The following CADPS variants were observed in gnomAD, a reference collection of about 807,000 sequenced individuals.
CADPS encodes calcium dependent secretion activator.
Under a neutral mutation model 167.3 loss-of-function variants are expected in CADPS, and 57 were observed. That is an observed-to-expected ratio of 0.34 (90% CI 0.28 to 0.42). The LOEUF is 0.42. Ranked by LOEUF, CADPS falls within the 20% of genes least tolerant of loss-of-function variation. The pLI, the probability that CADPS is intolerant of heterozygous loss-of-function variation, is 1.00. For synonymous variants in CADPS, 676 were observed against 635.3 expected (o/e 1.06, Z -0.96); for missense variants, 1,414 against 1,738.1 (o/e 0.81, Z 3.32).
intron 13 of CADPS, among the ~76,000 whole-genome samples, chr3:62,524,835 C>T (rs1160099227): frequency 6.6e-6 from 1 of 152,130 alleles, no homozygotes; most frequent in African/African-American, 2.4e-5. Context: ...GGAAAGCATG[C>T]ATTTTACCCC....
chr3:62,455,277 C>CT lies in CADPS; in HGVS notation c.3637-9481dup, dbSNP rs2058559619. Among the ~76,000 whole-genome samples the CT allele has an allele frequency of 6.6e-6, 1 of 152,078 alleles. No individual in the cohort carries two copies. Among genetic ancestry groups the CT allele is most frequent in the Non-Finnish European group, 1.5e-5 (1 of 68,026 alleles). On this transcript the variant is annotated intron_variant, in intron 26 of 29. Transcript: ENST00000383710. This position sits in a 1 kb window ranked among gnomAD's most constrained non-coding sequence, Gnocchi z 4.4. Reference sequence around the variant, plus strand: ...TCAAGGGCTCCCTCAGACCCAGCCTCTTAACACTGCTGATACTTAACAATG... The same window carrying CT: ...TCAAGGGCTCCCTCAGACCCAGCCTCTTTAACACTGCTGATACTTAACAATG...
intron 15 of CADPS, 65 bp from the exon 16 acceptor site, chr3:62,516,247 CT>C: frequency 1.3e-6 from 2 of 1,578,784 alleles, no homozygotes; most frequent in Non-Finnish European, 1.7e-6. Context: ...ATCCATACTT[CT>C]TAGAAGCGTG....
At chr3:62,670,140 C>T (rs1178477040) in intron 3 of CADPS, among the ~76,000 whole-genome samples, 1 of 152,126 alleles carries the variant, frequency 6.6e-6, no homozygotes, top group African/African-American at 2.4e-5. Context: ...AGCTGCTGCA[C>T]TAAAATAACC....
intron 21 of CADPS, among the ~76,000 whole-genome samples, chr3:62,485,759 T>C (rs1366141727): frequency 6.6e-6 from 1 of 152,172 alleles, no homozygotes; most frequent in Admixed American, 6.5e-5. Context: ...GTTATAGGTG[T>C]TAGGGAGGCA....
At chr3:62,855,744 G>A (rs899982061) in intron 1 of CADPS, among the ~76,000 whole-genome samples, 1 of 152,148 alleles carries the variant, frequency 6.6e-6, no homozygotes, top group African/African-American at 2.4e-5. Flanking sequence ...TTTATGCATG[G>A]GTTCGCTGAT....
intron 25 of CADPS, 77 bp downstream of exon 25, chr3:62,466,262 T>G (rs936960231): frequency 4.0e-5 from 39 of 973,460 alleles, no homozygotes; most frequent in Admixed American, 1.3e-4. Context: ...CTTTTTAATG[T>G]GTTACATTTT....
In CADPS at chr3:62,465,778, C is replaced by T. The variant is rs1039997926; in HGVS notation, c.3553-328G>A. On this transcript the variant is annotated intron_variant, in intron 25 of 29. Transcript: ENST00000383710. The surrounding 1 kb of genome is among the most constrained non-coding windows in gnomAD (Gnocchi z 4.1). ...CCAAAACTGCGCAAAGCAGTTTCTA[C>T]GTTACATATTAGCACTACATTTAAT... Among the ~76,000 whole-genome samples the T allele has an allele frequency of 6.6e-6, 1 of 152,318 alleles. No individual in the cohort carries two copies. Among genetic ancestry groups the T allele is most frequent in the South Asian group, 2.1e-4 (1 of 4,826 alleles).
chr3:62,694,744 G>T (rs937021067), intron 3 of CADPS, among the ~76,000 whole-genome samples: 3 of 151,978 alleles, frequency 2.0e-5, no homozygotes, highest in African/African-American at 7.3e-5. Context: ...GAATTAACAG[G>T]TCCTTACCCA....
intron 13 of CADPS, 144 bp from the exon 14 acceptor site, chr3:62,518,394 G>T: frequency 1.6e-6 from 1 of 628,550 alleles, no homozygotes; most frequent in Non-Finnish European, 2.7e-6. Flanking sequence ...GCTATTCAGG[G>T]CTAGCTTCCA....
intron 3 of CADPS, among the ~76,000 whole-genome samples, chr3:62,667,857 A>G (rs1191593144): frequency 6.6e-6 from 1 of 152,034 alleles, no homozygotes; most frequent in Non-Finnish European, 1.5e-5. Context: ...TATCAGCAAA[A>G]TGATTCACAC....
chr3:62,548,435 C>T (rs954551069), intron 11 of CADPS, among the ~76,000 whole-genome samples: 4 of 152,198 alleles, frequency 2.6e-5, no homozygotes, highest in African/African-American at 9.6e-5. Context: ...ATTATTTACA[C>T]TGTTCCACAA....
rs114575307 is a variant in CADPS at position 62,592,906 on chromosome 3, C to G, written c.1326-158G>C. ...CCTTCAAAGCTGCCAGAGTAACAAACGTGTTAATTAACTTGTTAGGCAAAT... is the reference window on the plus strand; with the variant it reads ...CCTTCAAAGCTGCCAGAGTAACAAAGGTGTTAATTAACTTGTTAGGCAAAT... On this transcript the variant is annotated intron_variant, in intron 6 of 29. Transcript: ENST00000383710. Among the ~76,000 whole-genome samples the G allele has an allele frequency of 2.0e-5, 3 of 152,344 alleles. No individual in the cohort carries two copies. The South Asian group carries it at 6.2e-4, about 32-fold the overall frequency.
intron 21 of CADPS, among the ~76,000 whole-genome samples, chr3:62,488,870 A>G (rs961878814): frequency 6.6e-6 from 1 of 152,230 alleles, no homozygotes; most frequent in African/African-American, 2.4e-5. Flanking sequence ...CCACAATCAT[A>G]TTCACTAACA....
intron 3 of CADPS, among the ~76,000 whole-genome samples, chr3:62,700,055 T>C (rs762647174): frequency 6.6e-6 from 1 of 152,136 alleles, no homozygotes; most frequent in Non-Finnish European, 1.5e-5. Flanking sequence ...ATGAACTCTA[T>C]GGGTCCTCTA....
At chr3:62,407,739 G>A (rs954230982) in intron 28 of CADPS, among the ~76,000 whole-genome samples, 3 of 152,044 alleles carry the variant, frequency 2.0e-5, no homozygotes, top group African/African-American at 7.2e-5. Flanking sequence ...CTTTTTGTTT[G>A]TTTTTCTTTT....
chr3:62,754,275 C>A (rs376713124), intron 2 of CADPS, among the ~76,000 whole-genome samples: 2 of 152,162 alleles, frequency 1.3e-5, no homozygotes, highest in African/African-American at 4.8e-5. Context: ...CAGGCTCAAG[C>A]GACCTCCAGC....
chr3:62,484,107 T>G (rs1294364353), intron 21 of CADPS, among the ~76,000 whole-genome samples: 3 of 152,232 alleles, frequency 2.0e-5, no homozygotes, highest in Non-Finnish European at 4.4e-5. Context: ...AATATGACAT[T>G]TCAGCTAGAC....
chr3:62,460,857 C>T (rs2059252900), intron 26 of CADPS, among the ~76,000 whole-genome samples: 1 of 152,138 alleles, frequency 6.6e-6, no homozygotes, highest in Non-Finnish European at 1.5e-5. Flanking sequence ...CCTTGACAGC[C>T]CTAAGATAGG....
chr3:62,831,075 CACTTT>C (rs2074988342), intron 1 of CADPS, among the ~76,000 whole-genome samples: 1 of 152,076 alleles, frequency 6.6e-6, no homozygotes, highest in Admixed American at 6.6e-5. Context: ...AAATCACCAC[CACTTT>C]AAGGGGAGGA....
Sources: allele counts gnomAD v4.1 joint callset (sites outside exome capture counted in the v4.1 genomes callset), GRCh38; gene constraint gnomAD v4.1.1; non-coding constraint Gnocchi (gnomAD v3.1); transcripts MANE v1.5; gene names NCBI Gene and HGNC (gene_info 2026-07-23, HGNC 2026-07-21).